CBR3: variants seen among roughly 807,000 people sequenced by gnomAD.
CBR3 encodes the protein carbonyl reductase 3, also known as carbonyl reductase [NADPH] 3.
Under a neutral mutation model 11.6 loss-of-function variants are expected in CBR3, and 14 were observed. The observed-to-expected ratio is 1.20, with a 90% CI of 0.79 to 1.88. The LOEUF (loss-of-function observed/expected upper bound fraction) is 1.88, where lower values mean the gene tolerates loss of function less well. CBR3 is among the 40% of genes most tolerant of loss of function. CBR3 has a pLI of 0.00. For missense variants in CBR3, 308 were observed against 357.3 expected, an observed-to-expected ratio of 0.86 and a Z score of 1.11; for synonymous variants, 125 against 145.6, an observed-to-expected ratio of 0.86 and a Z score of 1.02.
intron 2 of CBR3, among the ~76,000 whole-genome samples, chr21:36,144,551 T>C (rs2065739808): frequency 8.6e-6 from 1 of 116,780 alleles, no homozygotes; most frequent in Non-Finnish European, 1.8e-5. Context: ...CACTTGATCC[T>C]GGGAGGCGGA....
intron 2 of CBR3, among the ~76,000 whole-genome samples, chr21:36,139,881 CTTT>C (rs10689993): frequency 1.1e-5 from 1 of 89,830 alleles, no homozygotes; most frequent in African/African-American, 4.4e-5. Flanking sequence ...GATGCAAAAC[CTTT>C]TTTTTTTTTT....
intron 2 of CBR3, among the ~76,000 whole-genome samples, chr21:36,140,409 C>CT (rs1384384668): frequency 2.6e-5 from 4 of 152,042 alleles, no homozygotes; most frequent in Non-Finnish European, 1.5e-5. Flanking sequence ...TGCCACTTTG[C>CT]TTTTTTTACT....
chr21:36,142,430 TCA>T (rs2065717703), intron 2 of CBR3, among the ~76,000 whole-genome samples: 1 of 2,204 alleles, frequency 4.5e-4, no homozygotes. Context: ...AGACTCCATC[TCA>T]AAAAAAAAAA....
In CBR3 at chr21:36,145,473, G is replaced by T. The variant is rs1230839181; in HGVS notation, c.398-603G>T. Among the ~76,000 whole-genome samples the T allele has an allele frequency of 2.0e-5, 3 of 152,070 alleles. No individual in the cohort carries two copies. The East Asian group carries it at 5.8e-4, about 29-fold the overall frequency. ...TCTTACCTCAGCTTCCTGAGTAGCT[G>T]AGACCACAGGCACACGCCACCACAC... On this transcript the variant is annotated intron_variant, in intron 2 of 2. Coordinates refer to ENST00000290354, the MANE Select transcript of CBR3 (RefSeq NM_001236.4).
intron 1 of CBR3, 134 bp from the exon 2 acceptor site, chr21:36,137,691 C>T (rs2065672231): frequency 3.3e-6 from 2 of 614,806 alleles, no homozygotes; most frequent in Non-Finnish European, 2.9e-6. Flanking sequence ...TGAGAATCAC[C>T]GACCTCGTTC....
chr21:36,145,850 A>G (rs930623750), intron 2 of CBR3, among the ~76,000 whole-genome samples: 1 of 151,478 alleles, frequency 6.6e-6, no homozygotes, highest in Admixed American at 6.6e-5. Flanking sequence ...AATTCCAGCT[A>G]CTCAGGAGGC....
intron 1 of CBR3, 71 bp downstream of exon 1, chr21:36,135,552 C>T (rs959664414): frequency 4.3e-6 from 6 of 1,406,128 alleles, no homozygotes; most frequent in Non-Finnish European, 4.8e-6. Context: ...CCGCAGGCTC[C>T]CCACCCGTCC....
At chr21:36,143,657 A>T (rs894883124) in intron 2 of CBR3, among the ~76,000 whole-genome samples, 5 of 152,220 alleles carry the variant, frequency 3.3e-5, no homozygotes, top group African/African-American at 1.2e-4. Context: ...AGGCAGGCAG[A>T]TCTCCTGAGC....
chr21:36,143,709 G>A lies in CBR3; in HGVS notation c.398-2367G>A, dbSNP rs45467498. ...AGCCCGGCCAACATGGAGAAACCCC[G>A]TTTCTACGAAAAATACAAAAATTAT... On this transcript the variant is annotated intron_variant, in intron 2 of 2. Transcript: ENST00000290354. Among the ~76,000 whole-genome samples the A allele has an allele frequency of 2.1e-3, 314 of 151,874 alleles. 1 individual carries two copies. Among genetic ancestry groups the A allele is most frequent in the African/African-American group, 6.5e-3 (269 of 41,440 alleles).
In CBR3 at chr21:36,138,372, C is replaced by T. The variant is rs45468003; in HGVS notation, c.397+440C>T. On this transcript the variant is annotated intron_variant, in intron 2 of 2. Coordinates refer to ENST00000290354, the MANE Select transcript of CBR3 (RefSeq NM_001236.4). ...CCATGTTGGCCAGGCTAGTCCTGAA[C>T]TCCTGACCTTCAGGTGATCCACCCA... The T allele has an allele frequency of 2.4e-3, 367 of 155,634 alleles. 1 individual carries two copies. The highest frequency in any genetic ancestry group is 3.5e-3 in the Non-Finnish European group (247 of 70,034). The allele number at this position is 155,634 out of a possible 1,614,324, so 9.6% of individuals were successfully genotyped here. A position where few individuals can be genotyped will look rare whatever the true frequency, so the allele number is the denominator to read the frequency against.
At position 36,135,290 on chromosome 21, in the gene CBR3, T is replaced by A; in HGVS notation, c.98T>A (p.Val33Glu). 1 of 1,609,260 alleles carries A rather than the reference T, an allele frequency of 6.2e-7. No individual in the cohort carries two copies. ...CTGTGCCGACAGTTCTCTGGGGATGTGGTGCTCACCGCGCGGGACGTGGCG... is the reference window on the plus strand; with the variant it reads ...CTGTGCCGACAGTTCTCTGGGGATGAGGTGCTCACCGCGCGGGACGTGGCG... ...RELCRQFSGDVVLTARDVARG... is the reference protein window; with the variant it reads ...RELCRQFSGDEVLTARDVARG... Residue 33 changes from valine to glutamate, a missense_variant, in exon 1 of 3, where the codon GTG becomes GAG. By Grantham distance (121) the Val-to-Glu change is moderately radical (BLOSUM62 -2). Transcript: ENST00000290354.
rs1601357544 is a variant in CBR3, at chr21:36,146,426, A to G, written c.748A>G (p.Thr250Ala). The G allele has an allele frequency of 6.2e-7, 1 of 1,613,992 alleles. No individual in the cohort carries two copies. The highest frequency in any genetic ancestry group is 8.5e-7 in the Non-Finnish European group (1 of 1,179,908). ...SIRTVEEGAE[T>A]PVYLALLPPD... ...CAGGACTGTGGAGGAGGGGGCTGAG[A>G]CCCCTGTCTACTTGGCCCTCTTGCC... The change falls in exon 3 of 3, where the codon ACC (threonine) becomes GCC (alanine). Residue 250 changes from threonine to alanine, a missense_variant. Coordinates refer to ENST00000290354, the MANE Select transcript of CBR3 (RefSeq NM_001236.4).
chr21:36,135,478 A>T lies in CBR3; in HGVS notation c.286A>T (p.Lys96Ter). Reference protein sequence around the residue: ...VLVNNAAVAFKSDDPMPFDIK... With the variant: ...VLVNNAAVAF ...GGTCAACAACGCGGCCGTCGCCTTC[A>T]AGAGTAGGTGCAGGGCTTGGGTTGG... The change falls in exon 1 of 3, where the codon AAG becomes TAG. Residue 96 changes from lysine to a stop codon, truncating the protein, a stop_gained. Transcript: ENST00000290354. LOFTEE classifies it high-confidence loss of function. The T allele has an allele frequency of 1.2e-6, 2 of 1,609,000 alleles. No individual in the cohort carries two copies. Among genetic ancestry groups the T allele is most frequent in the Non-Finnish European group, 1.7e-6 (2 of 1,176,960 alleles).
At chr21:36,138,041 T>C in intron 2 of CBR3, 109 bp downstream of exon 2, 2 of 651,536 alleles carry the variant, frequency 3.1e-6, no homozygotes, top group East Asian at 2.6e-5. Flanking sequence ...GCTATTTCTC[T>C]GAAGGGGGAA....
In CBR3 at chr21:36,139,390, T is replaced by TC. The variant is rs1411192792; in HGVS notation, c.397+1458_397+1459insC. Among the ~76,000 whole-genome samples the TC allele has an allele frequency of 1.2e-4, 18 of 149,578 alleles. No individual in the cohort carries two copies. In the East Asian group the frequency reaches 2.2e-3, roughly 18 times the overall value. On this transcript the variant is annotated intron_variant, in intron 2 of 2. Coordinates refer to ENST00000290354, the MANE Select transcript of CBR3 (RefSeq NM_001236.4). ...AAATGTGCTTGCTTTTTCTTTTTTTTTTTTTTTTTTTGACAGAGTTTCGCT... is the reference window on the plus strand; with the variant it reads ...AAATGTGCTTGCTTTTTCTTTTTTTTCTTTTTTTTTTTGACAGAGTTTCGCT...
intron 2 of CBR3, among the ~76,000 whole-genome samples, chr21:36,145,461 T>G (rs1422514828): frequency 6.6e-6 from 1 of 152,072 alleles, no homozygotes; most frequent in East Asian, 1.9e-4. Flanking sequence ...TACCTCAGCT[T>G]CCTGAGTAGC....
At chr21:36,142,495 A>G (rs2065721492) in intron 2 of CBR3, among the ~76,000 whole-genome samples, 1 of 150,056 alleles carries the variant, frequency 6.7e-6, no homozygotes, top group Non-Finnish European at 1.5e-5. Context: ...GCAAACAAAA[A>G]CTGTAAAAGA....
Position 36,135,204 on chromosome 21 carries a change from C to T in CBR3, c.12C>T (p.Cys4=). 2 of 1,500,354 alleles carry T rather than the reference C, an allele frequency of 1.3e-6. No homozygotes were observed. Among genetic ancestry groups the T allele is most frequent in the South Asian group, 1.3e-5 (1 of 74,976 alleles). 92.9% of individuals were successfully genotyped at this position (1,500,354 alleles called of 1,614,324 possible). A position where few individuals can be genotyped will look rare whatever the true frequency, so the allele number is the denominator to read the frequency against. Residue 4 remains cysteine (C), a synonymous_variant, in exon 1 of 3, where the codon TGC becomes TGT. Transcript: ENST00000290354. Reference sequence around the variant, plus strand: ...CTCCCCGCTCAGCCATGTCGTCCTGCAGCCGCGTGGCGCTGGTGACCGGGG... The same window carrying T: ...CTCCCCGCTCAGCCATGTCGTCCTGTAGCCGCGTGGCGCTGGTGACCGGGG... MSS[C]SRVALVTGAN... is the part of the protein sequence containing the mutation.
chr21:36,140,099 G>T (rs543495388), intron 2 of CBR3, among the ~76,000 whole-genome samples: 2 of 152,064 alleles, frequency 1.3e-5, no homozygotes, highest in South Asian at 4.2e-4. Flanking sequence ...ATGTTGGCCA[G>T]CTTGATCTCG....
Sources: gnomAD v4.1 joint callset for allele counts (sites outside exome capture counted in the v4.1 genomes callset) on GRCh38, gnomAD v4.1.1 for gene constraint, MANE v1.5 for transcripts, NCBI Gene and HGNC (gene_info 2026-07-23, HGNC 2026-07-21) for gene names.